TRERF1: variants seen among roughly 807,000 people sequenced by gnomAD.
TRERF1 encodes the protein transcriptional regulating factor 1.
A neutral mutation model predicts 122.9 loss-of-function variants in TRERF1; 27 were observed. The observed-to-expected ratio is 0.22, with a 90% CI of 0.16 to 0.30. TRERF1 has a LOEUF of 0.30. Among genes scored for constraint, TRERF1 ranks in the 10% least tolerant of loss-of-function variants. The pLI, the probability that TRERF1 is intolerant of heterozygous loss-of-function variation, is 1.00. For synonymous variants in TRERF1, 636 were observed against 641.7 expected (o/e 0.99, Z 0.13); for missense variants, 1,248 against 1,560.3 (o/e 0.80, Z 3.37).
At position 42,363,063 on chromosome 6, in the gene TRERF1, T is replaced by A. The variant is rs1772069702; in HGVS notation, c.-437A>T. The A allele has an allele frequency of 1.3e-5, 2 of 153,386 alleles. No homozygotes were observed. Among genetic ancestry groups the A allele is most frequent in the South Asian group, 4.1e-4 (2 of 4,826 alleles). The allele number at this position is 153,386 out of a possible 1,614,324, so 9.5% of individuals were successfully genotyped here. ...GCTTCTGCGTCTTCTTCCTTCAGCA[T>A]TCTCCACAGCCAGGGCCTGCAGGAG... On this transcript the variant is annotated 5_prime_UTR_variant, in exon 3 of 18. The change abolishes an upstream ATG in the 5' untranslated region. Transcript: ENST00000372922.
At position 42,235,684 on chromosome 6, in the gene TRERF1, T is replaced by A. The variant is rs761324509; in HGVS notation, c.3066+521A>T. The stretch of plus-strand genomic sequence containing the variant: ...AAGATAAACTTTAGTTAAATCTTTG[T>A]AACAGTGTTCTCAATTTTAAATTAG... On this transcript the variant is annotated intron_variant, in intron 16 of 17. Transcript: ENST00000372922. 9.2e-4 allele frequency among the ~76,000 whole-genome samples: 140 copies of A among 152,228 alleles called. 2 individuals are homozygous for A. The highest frequency in any genetic ancestry group is 1.8e-3 in the Non-Finnish European group (122 of 68,034).
chr6:42,330,004 T>C (rs1764986056), intron 3 of TRERF1, among the ~76,000 whole-genome samples: 1 of 151,964 alleles, frequency 6.6e-6, no homozygotes, highest in Non-Finnish European at 1.5e-5. Flanking sequence ...AAAAAAAAAG[T>C]ATTGATTCTA....
intron 2 of TRERF1, among the ~76,000 whole-genome samples, chr6:42,366,271 G>C (rs73430818): frequency 6.6e-6 from 1 of 152,206 alleles, no homozygotes; most frequent in Non-Finnish European, 1.5e-5. Flanking sequence ...GACAATGCTT[G>C]CAACTGCCCG....
intron 3 of TRERF1, among the ~76,000 whole-genome samples, chr6:42,353,328 C>T (rs539899203): frequency 1.3e-5 from 2 of 151,708 alleles, no homozygotes; most frequent in East Asian, 1.9e-4. Flanking sequence ...GGCTCACTCC[C>T]GAAATCCCAG....
intron 4 of TRERF1, among the ~76,000 whole-genome samples, chr6:42,278,855 A>G (rs767580831): frequency 2.1e-4 from 32 of 152,088 alleles, no homozygotes; most frequent in Non-Finnish European, 4.1e-4. Context: ...GCCAGGAGAG[A>G]TGAGAGGTCA....
intron 2 of TRERF1, among the ~76,000 whole-genome samples, chr6:42,432,974 A>T (rs1784711683): frequency 6.6e-6 from 1 of 152,188 alleles, no homozygotes; most frequent in Non-Finnish European, 1.5e-5. Context: ...GTGAATATTA[A>T]ACTAGTCCTC....
In TRERF1 at chr6:42,246,583, T is replaced by C. The variant is rs778306955; in HGVS notation, c.2657-39A>G. On this transcript the variant is annotated intron_variant, in intron 13 of 17. Coordinates refer to ENST00000372922, the Ensembl canonical transcript of TRERF1. ...CAAACATCATAAGAACAGCTCACAG[T>C]TCCCCCTGCTTTTAGTTGCTGGTTC... 7 of 1,449,826 alleles carry C rather than the reference T, an allele frequency of 4.8e-6. No individual in the cohort carries two copies. In the South Asian group the frequency reaches 8.8e-5, roughly 18 times the overall value. 89.8% of individuals were successfully genotyped at this position (1,449,826 alleles called of 1,614,324 possible).
intron 2 of TRERF1, among the ~76,000 whole-genome samples, chr6:42,385,455 G>A (rs1314136322): frequency 6.6e-6 from 1 of 152,162 alleles, no homozygotes; most frequent in Non-Finnish European, 1.5e-5. Context: ...AAGTTACGTG[G>A]ACAGGCAGGC....
At chr6:42,349,874 T>C (rs948190330) in intron 3 of TRERF1, among the ~76,000 whole-genome samples, 2 of 152,216 alleles carry the variant, frequency 1.3e-5, no homozygotes, top group African/African-American at 4.8e-5. Flanking sequence ...ACTCAGGTCC[T>C]GCAGTACTGA....
Position 42,259,286 on chromosome 6 carries a change from C to G in TRERF1, c.2269+53G>C. ...GAAAGCTAAAGAAAACGAGATGTCC[C>G]AGGACTTTACCCAGCACCCAGAGCC... is the stretch of plus-strand genomic sequence containing the variant. On this transcript the variant is annotated intron_variant, in intron 9 of 17. Coordinates refer to ENST00000372922, the Ensembl canonical transcript of TRERF1. The surrounding 1 kb of genome is among the most constrained non-coding windows in gnomAD (Gnocchi z 4.9). The G allele has an allele frequency of 6.8e-7, 1 of 1,470,886 alleles. No individual in the cohort carries two copies. Among genetic ancestry groups the G allele is most frequent in the Admixed American group, 2.6e-5 (1 of 38,230 alleles). 91.1% of individuals were successfully genotyped at this position (1,470,886 alleles called of 1,614,324 possible).
At chr6:42,262,610 G>GAGAGAGAGAGAGAGAGAGAGAGAGA (rs1778395261) in intron 8 of TRERF1, among the ~76,000 whole-genome samples, 1 of 11,948 alleles carries the variant, frequency 8.4e-5, no homozygotes. Flanking sequence ...ACAGACAGAC[G>GAGAGAGAGAGAGAGAGAGAGAGAGA]GAAACCCTTC....
intron 3 of TRERF1, among the ~76,000 whole-genome samples, chr6:42,330,436 C>G (rs901725882): frequency 6.6e-6 from 1 of 152,064 alleles, no homozygotes; most frequent in South Asian, 2.1e-4. Context: ...GTTATATACA[C>G]AAAAACATAG....
At chr6:42,436,754 T>C (rs1236641116) in intron 2 of TRERF1, among the ~76,000 whole-genome samples, 1 of 143,664 alleles carries the variant, frequency 7.0e-6, no homozygotes, top group Non-Finnish European at 1.5e-5. Context: ...GTCAGTATTT[T>C]CCAAATTCTC....
intron 3 of TRERF1, among the ~76,000 whole-genome samples, chr6:42,313,365 G>A (rs566974473): frequency 5.3e-5 from 8 of 152,238 alleles, no homozygotes; most frequent in Admixed American, 1.3e-4. Flanking sequence ...GGAAAGTGTC[G>A]TTCACATCAG....
intron 2 of TRERF1, among the ~76,000 whole-genome samples, chr6:42,369,497 A>G (rs1200609098): frequency 6.6e-6 from 1 of 152,196 alleles, no homozygotes; most frequent in Non-Finnish European, 1.5e-5. Context: ...CTGCATAGTC[A>G]GTCAGACCCA....
At chr6:42,439,035 C>T (rs1785993150) in intron 2 of TRERF1, among the ~76,000 whole-genome samples, 1 of 152,146 alleles carries the variant, frequency 6.6e-6, no homozygotes, top group Admixed American at 6.5e-5. Context: ...AGTGAAAGTG[C>T]CTCTTAGAGA....
At chr6:42,244,229 G>A (rs931936009) in intron 14 of TRERF1, among the ~76,000 whole-genome samples, 1 of 151,514 alleles carries the variant, frequency 6.6e-6, no homozygotes, top group African/African-American at 2.4e-5. Context: ...TCGTTGCCCA[G>A]GCTGGAGTGC....
chr6:42,321,116 G>C (rs1170816242), intron 3 of TRERF1, among the ~76,000 whole-genome samples: 1 of 150,158 alleles, frequency 6.7e-6, no homozygotes, highest in African/African-American at 2.5e-5. Flanking sequence ...TTCATAGGTG[G>C]CTCATGAGGC....
At chr6:42,335,244 G>C (rs1451369191) in intron 3 of TRERF1, among the ~76,000 whole-genome samples, 1 of 152,198 alleles carries the variant, frequency 6.6e-6, no homozygotes, top group African/African-American at 2.4e-5. Flanking sequence ...CAGATGCTGG[G>C]GGATAGCATG....
Sources: allele counts gnomAD v4.1 joint callset (sites outside exome capture counted in the v4.1 genomes callset), GRCh38; gene constraint gnomAD v4.1.1; non-coding constraint Gnocchi (gnomAD v3.1); transcripts MANE v1.5; gene names NCBI Gene and HGNC (gene_info 2026-07-23, HGNC 2026-07-21).